RTP3: variants seen among roughly 807,000 people sequenced by gnomAD.
RTP3 encodes receptor transporter protein 3.
In RTP3, 2 loss-of-function variants were observed where a neutral mutation model predicts 6.2. The ratio of observed to expected loss-of-function variants is 0.32; its 90% CI spans 0.13 to 1.02. RTP3 has a LOEUF of 1.02. RTP3 is among the 50% of genes least tolerant of loss of function. RTP3 has a pLI of 0.47. For missense variants in RTP3, 252 were observed against 280.8 expected, an observed-to-expected ratio of 0.90 and a Z score of 0.73; for synonymous variants, 106 against 98.3, an observed-to-expected ratio of 1.08 and a Z score of -0.47.
In RTP3 at chr3:46,498,026, A is replaced by T; in HGVS notation, c.-37A>T. ...CACTACAGACCTGCCAGGGCCCAGGAGAGCTCGACCCACCCAGGCACACCA... is the reference window on the plus strand; with the variant it reads ...CACTACAGACCTGCCAGGGCCCAGGTGAGCTCGACCCACCCAGGCACACCA... On this transcript the variant is annotated 5_prime_UTR_variant, in exon 1 of 2. Transcript: ENST00000296142. 1.2e-6 allele frequency: 2 copies of T among 1,612,326 alleles called. No homozygotes were observed. Among genetic ancestry groups the T allele is most frequent in the Non-Finnish European group, 1.7e-6 (2 of 1,178,682 alleles).
At position 46,500,729 on chromosome 3, in the gene RTP3, C is replaced by T; in HGVS notation, c.529C>T (p.Pro177Ser). 2 of 1,614,052 alleles carry T rather than the reference C, an allele frequency of 1.2e-6. No individual in the cohort carries two copies. The highest frequency in any genetic ancestry group is 8.5e-7 in the Non-Finnish European group (1 of 1,179,982). The change falls in exon 2 of 2, where the codon CCA (proline) becomes TCA (serine). Residue 177 changes from proline to serine, a missense_variant. By Grantham distance (74) the Pro-to-Ser change is moderately conservative (BLOSUM62 -1). Transcript: ENST00000296142. ...QVTSLPPSQT[P>S]RVHSIYKVEE... Reference sequence around the variant, plus strand: ...TACAAGCCTCCCCCCATCTCAGACCCCAAGAGTACACTCCATTTACAAGGT... The same window carrying T: ...TACAAGCCTCCCCCCATCTCAGACCTCAAGAGTACACTCCATTTACAAGGT...
intron 1 of RTP3, among the ~76,000 whole-genome samples, 164 bp downstream of exon 1, chr3:46,498,381 T>C (rs1703671316): frequency 6.6e-6 from 1 of 152,200 alleles, no homozygotes; most frequent in East Asian, 1.9e-4. Context: ...GATCGTTTTT[T>C]CACTATTACA....
chr3:46,500,715 C>T lies in RTP3; in HGVS notation c.515C>T (p.Pro172Leu), dbSNP rs1453291104. The T allele has an allele frequency of 4.3e-6, 7 of 1,613,800 alleles. No individual in the cohort carries two copies. The highest frequency in any genetic ancestry group is 5.9e-6 in the Non-Finnish European group (7 of 1,179,942). ...CAGPIQVTSL[P>L]PSQTPRVHSI... ...GGGCCCATACAGGTTACAAGCCTCC[C>T]CCCATCTCAGACCCCAAGAGTACAC... The change falls in exon 2 of 2, where the codon CCC becomes CTC. Residue 172 changes from proline (P) to leucine (L), a missense_variant. Physicochemically the swap from Pro to Leu is moderately conservative, Grantham distance 98 (BLOSUM62 -3). Transcript: ENST00000296142.
chr3:46,499,409 C>T (rs1306077121), intron 1 of RTP3, among the ~76,000 whole-genome samples: 1 of 152,232 alleles, frequency 6.6e-6, no homozygotes, highest in African/African-American at 2.4e-5. Context: ...TCTCATTGCC[C>T]AACTGGTCCC....
At position 46,500,495 on chromosome 3, in the gene RTP3, C is replaced by T; in HGVS notation, c.295C>T (p.Pro99Ser). 1.2e-6 allele frequency: 2 copies of T among 1,614,198 alleles called. No homozygotes were observed. The highest frequency in any genetic ancestry group is 1.7e-6 in the Non-Finnish European group (2 of 1,180,036). Residue 99 changes from proline to serine, a missense_variant, in exon 2 of 2, where the codon CCT becomes TCT. By Grantham distance (74) the Pro-to-Ser change is moderately conservative. Coordinates refer to ENST00000296142, the MANE Select transcript of RTP3 (RefSeq NM_031440.2). ...FTQRCKKCPQ[P>S]LFEDPEFTQE... ...CCAGAGATGTAAGAAGTGCCCCCAACCTCTGTTTGAGGACCCTGAGTTCAC... is the reference window on the plus strand; with the variant it reads ...CCAGAGATGTAAGAAGTGCCCCCAATCTCTGTTTGAGGACCCTGAGTTCAC...
chr3:46,499,239 CG>C (rs754446326), intron 1 of RTP3, among the ~76,000 whole-genome samples: 12 of 152,236 alleles, frequency 7.9e-5, no homozygotes, highest in Non-Finnish European at 1.0e-4. Flanking sequence ...ATCCAGGCAT[CG>C]GGGGCTCAGC....
chr3:46,499,662 T>C (rs1703684817), intron 1 of RTP3, among the ~76,000 whole-genome samples: 1 of 152,186 alleles, frequency 6.6e-6, no homozygotes, highest in South Asian at 2.1e-4. Flanking sequence ...TTGTATCCTG[T>C]CTGAAGCCAG....
In RTP3 at chr3:46,500,436, A is replaced by G; in HGVS notation, c.236A>G (p.Lys79Arg). ...TTCCACATGAACTGGAGTGAGGAGA[A>G]GTCCAGGGGCCAGGTGAAGATGAGG... ...VLFHMNWSEE[K>R]SRGQVKMRVF... Residue 79 changes from lysine to arginine, a missense_variant, in exon 2 of 2, where the codon AAG (lysine) becomes AGG (arginine). Lys to Arg is a conservative substitution (Grantham distance 26). Coordinates refer to ENST00000296142, the MANE Select transcript of RTP3 (RefSeq NM_031440.2). 2 of 1,614,214 alleles carry G rather than the reference A, an allele frequency of 1.2e-6. No individual in the cohort carries two copies. Among genetic ancestry groups the G allele is most frequent in the Non-Finnish European group, 8.5e-7 (1 of 1,180,042 alleles).
Position 46,500,555 on chromosome 3 carries a change from G to C in RTP3, c.355G>C (p.Val119Leu). The change falls in exon 2 of 2, where the codon GTG becomes CTG. Residue 119 changes from valine (V) to leucine (L), a missense_variant. Coordinates refer to ENST00000296142, the MANE Select transcript of RTP3 (RefSeq NM_031440.2). ...CATCTCAAGGATCCTGAAAAACCTG[G>C]TGTTCCGAATTCTGAAGAAATGCTA... ...ENISRILKNLVFRILKKCYRG... is the reference protein window; with the variant it reads ...ENISRILKNLLFRILKKCYRG... The C allele has an allele frequency of 6.2e-7, 1 of 1,614,208 alleles. No homozygotes were observed. Among genetic ancestry groups the C allele is most frequent in the South Asian group, 1.1e-5 (1 of 91,084 alleles).
chr3:46,500,040 T>C (rs1201027615), intron 1 of RTP3, among the ~76,000 whole-genome samples: 4 of 152,198 alleles, frequency 2.6e-5, no homozygotes, highest in Admixed American at 2.6e-4. Flanking sequence ...TTACACCCAC[T>C]GGGTCTCTGG....
At chr3:46,499,392 G>A (rs1703681788) in intron 1 of RTP3, among the ~76,000 whole-genome samples, 1 of 152,200 alleles carries the variant, frequency 6.6e-6, no homozygotes, top group Non-Finnish European at 1.5e-5. Context: ...TATCACTGCT[G>A]GCCTCATCTC....
At chr3:46,498,966 C>G (rs1041069119) in intron 1 of RTP3, among the ~76,000 whole-genome samples, 2 of 152,360 alleles carry the variant, frequency 1.3e-5, no homozygotes, top group Non-Finnish European at 2.9e-5. Flanking sequence ...TCTGAACAAG[C>G]ACAGGAACAG....
At chr3:46,499,377 A>G (rs1001407635) in intron 1 of RTP3, among the ~76,000 whole-genome samples, 1 of 152,234 alleles carries the variant, frequency 6.6e-6, no homozygotes, top group African/African-American at 2.4e-5. Flanking sequence ...TCTGGAAGGA[A>G]CATATATCAC....
intron 1 of RTP3, among the ~76,000 whole-genome samples, chr3:46,499,621 C>T (rs1703684243): frequency 6.6e-6 from 1 of 152,200 alleles, no homozygotes; most frequent in South Asian, 2.1e-4. Flanking sequence ...CAAAAACTGC[C>T]CTCCTCCCTG....
In RTP3 at chr3:46,500,929, AAAAAT is replaced by A. The variant is rs1703702905; in HGVS notation, c.*31_*35del. 6.6e-7 allele frequency: 1 copy of A among 1,519,684 alleles called. No individual in the cohort carries two copies. Among genetic ancestry groups the A allele is most frequent in the Non-Finnish European group, 8.8e-7 (1 of 1,133,734 alleles). The allele number at this position is 1,519,684 out of a possible 1,614,324, so 94.1% of individuals were successfully genotyped here. On this transcript the variant is annotated 3_prime_UTR_variant, in exon 2 of 2. Transcript: ENST00000296142. ...TGGAAACATGAAGCTAAGTCAGAAA[AAAAAT>A]CAGATACAAAAAGTCATATGTTGTA...
Position 46,500,570 on chromosome 3 carries a change from A to G in RTP3, c.370A>G (p.Lys124Glu), listed in dbSNP as rs1458191730. Reference sequence around the variant, plus strand: ...GAAAAACCTGGTGTTCCGAATTCTGAAGAAATGCTATAGAGGAAGATTTCA... The same window carrying G: ...GAAAAACCTGGTGTTCCGAATTCTGGAGAAATGCTATAGAGGAAGATTTCA... ...ILKNLVFRIL[K>E]KCYRGRFQLI... Residue 124 changes from lysine to glutamate, a missense_variant, in exon 2 of 2, where the codon AAG (lysine) becomes GAG (glutamate). Coordinates refer to ENST00000296142, the MANE Select transcript of RTP3 (RefSeq NM_031440.2). 3 of 1,614,114 alleles carry G rather than the reference A, an allele frequency of 1.9e-6. No individual in the cohort carries two copies. The highest frequency in any genetic ancestry group is 2.5e-6 in the Non-Finnish European group (3 of 1,180,046).
In RTP3 at chr3:46,498,035, C is replaced by T; in HGVS notation, c.-28C>T. 6.2e-7 allele frequency: 1 copy of T among 1,613,668 alleles called. No homozygotes were observed. Among genetic ancestry groups the T allele is most frequent in the Non-Finnish European group, 8.5e-7 (1 of 1,179,822 alleles). On this transcript the variant is annotated 5_prime_UTR_variant, in exon 1 of 2. Coordinates refer to ENST00000296142, the MANE Select transcript of RTP3 (RefSeq NM_031440.2). ...CCTGCCAGGGCCCAGGAGAGCTCGACCCACCCAGGCACACCATAGCCCCAG... is the reference window on the plus strand; with the variant it reads ...CCTGCCAGGGCCCAGGAGAGCTCGATCCACCCAGGCACACCATAGCCCCAG...
Position 46,500,477 on chromosome 3 carries a change from T to C in RTP3, c.277T>C (p.Cys93Arg), listed in dbSNP as rs368133050. 4.3e-6 allele frequency: 7 copies of C among 1,614,140 alleles called. No homozygotes were observed. The South Asian group carries it at 7.7e-5, about 18-fold the overall frequency. Reference protein sequence around the residue: ...QVKMRVFTQRCKKCPQPLFED... With the variant: ...QVKMRVFTQRRKKCPQPLFED... ...GAAGATGAGGGTGTTTACCCAGAGA[T>C]GTAAGAAGTGCCCCCAACCTCTGTT... Residue 93 changes from cysteine (C) to arginine (R), a missense_variant, in exon 2 of 2, where the codon TGT (cysteine) becomes CGT (arginine). Transcript: ENST00000296142.
At chr3:46,498,238 A>G in intron 1 of RTP3, 21 bp downstream of exon 1, 1 of 1,613,690 alleles carries the variant, frequency 6.2e-7, no homozygotes, top group South Asian at 1.1e-5. Context: ...ATGTGATGGT[A>G]CACGTTCCAG....
Sources: allele counts gnomAD v4.1 joint callset (sites outside exome capture counted in the v4.1 genomes callset), GRCh38; gene constraint gnomAD v4.1.1; transcripts MANE v1.5; gene names NCBI Gene and HGNC (gene_info 2026-07-23, HGNC 2026-07-21).